Variants in HPSE2 observed in about 807,000 individuals in gnomAD.
The protein encoded by HPSE2 is inactive heparanase-2.
Under a neutral mutation model 60.5 loss-of-function variants are expected in HPSE2, and 38 were observed. That is an observed-to-expected ratio of 0.63 (90% CI 0.48 to 0.82). The LOEUF (loss-of-function observed/expected upper bound fraction) is 0.82, where lower values mean the gene tolerates loss of function less well. HPSE2 is among the 40% of genes least tolerant of loss of function. The probability of loss-of-function intolerance (pLI) is 0.00; values close to 1 mark genes in which losing one functional copy is unlikely to be tolerated. For missense variants in HPSE2, 713 were observed against 740.4 expected, an observed-to-expected ratio of 0.96 and a Z score of 0.43; for synonymous variants, 295 against 293.2, an observed-to-expected ratio of 1.01 and a Z score of -0.06.
chr10:99,247,501 A>T, the HPSE2 span, among the ~76,000 whole-genome samples: 1 of 152,228 alleles, frequency 6.6e-6, no homozygotes, highest in Admixed American at 6.5e-5. Flanking sequence ...CTACAAAGCA[A>T]CTAGCTAACA....
intron 4 of HPSE2, among the ~76,000 whole-genome samples, chr10:98,732,397 T>C (rs4614372): frequency 0.038 from 5,754 of 152,166 alleles, 240 homozygotes; most frequent in East Asian, 0.17. Flanking sequence ...TGTAAAGCTA[T>C]TGTAATTAAG....
intron 3 of HPSE2, among the ~76,000 whole-genome samples, chr10:98,989,622 T>C (rs1956472046): frequency 6.6e-6 from 1 of 150,752 alleles, no homozygotes; most frequent in Non-Finnish European, 1.5e-5. Context: ...GGTGTGCACA[T>C]GTACCCTAAT....
In HPSE2 at chr10:99,050,952, C is replaced by CGT. The variant is rs147438459; in HGVS notation, c.610+93284_610+93285dup. Among the ~76,000 whole-genome samples, 1,077 of 149,478 alleles carry CGT rather than the reference C, an allele frequency of 7.2e-3. 4 individuals carry two copies. The highest frequency in any genetic ancestry group is 0.016 in the African/African-American group (641 of 40,888). ...GATATGTTAATTAGCTTGATTCAATCGTGTGTGTGTGTGTGTGTGTATGGA... is the reference window on the plus strand; with the variant it reads ...GATATGTTAATTAGCTTGATTCAATCGTGTGTGTGTGTGTGTGTGTGTATGGA... On this transcript the variant is annotated intron_variant, in intron 3 of 11. Coordinates refer to ENST00000370552, the MANE Select transcript of HPSE2 (RefSeq NM_021828.5).
intron 9 of HPSE2, among the ~76,000 whole-genome samples, chr10:98,562,512 C>A (rs1302551171): frequency 6.6e-6 from 1 of 151,754 alleles, no homozygotes; most frequent in African/African-American, 2.4e-5. Flanking sequence ...GTCAGGAGAT[C>A]GAGACCATCC....
chr10:98,986,158 G>A (rs889303600), intron 3 of HPSE2, among the ~76,000 whole-genome samples: 6 of 152,156 alleles, frequency 3.9e-5, no homozygotes, highest in African/African-American at 1.4e-4. Flanking sequence ...GACATCTACA[G>A]AACTCTGCAC....
chr10:98,881,628 C>T (rs956616427), intron 3 of HPSE2, among the ~76,000 whole-genome samples: 3 of 151,958 alleles, frequency 2.0e-5, no homozygotes, highest in Non-Finnish European at 4.4e-5. Context: ...GTGATAATTC[C>T]ATCCAATTAG....
Position 99,184,522 on chromosome 10 carries a change from C to CAAAAAAAAAAAA in HPSE2, c.449-40135_449-40124dup, listed in dbSNP as rs200059066. 4.8e-4 allele frequency among the ~76,000 whole-genome samples: 29 copies of CAAAAAAAAAAAA among 60,766 alleles called. 1 individual carries two copies. The highest frequency in any genetic ancestry group is 1.1e-3 in the African/African-American group (9 of 8,266). The allele number at this position is 60,766 out of a possible 152,430, so 39.9% of individuals were successfully genotyped here. A position where few individuals can be genotyped will look rare whatever the true frequency, so the allele number is the denominator to read the frequency against. ...CCTGGGCAACAGAGCGAGACTGTCT[C>CAAAAAAAAAAAA]AAAAAAAAAAAAAAAAAAAAAAAAA... On this transcript the variant is annotated intron_variant, in intron 2 of 11. Coordinates refer to ENST00000370552, the MANE Select transcript of HPSE2 (RefSeq NM_021828.5).
intron 3 of HPSE2, among the ~76,000 whole-genome samples, chr10:99,050,248 G>A (rs1564765794): frequency 6.6e-6 from 1 of 151,898 alleles, no homozygotes; most frequent in Non-Finnish European, 1.5e-5. Flanking sequence ...GCTGTAGTGG[G>A]GTATGACTGC....
At chr10:98,698,542 A>G (rs1163017163) in intron 5 of HPSE2, among the ~76,000 whole-genome samples, 1 of 152,210 alleles carries the variant, frequency 6.6e-6, no homozygotes, top group African/African-American at 2.4e-5. Context: ...AAAGCGGGAA[A>G]GATCCAAAAT....
intron 4 of HPSE2, among the ~76,000 whole-genome samples, chr10:98,741,069 T>C (rs1364692958): frequency 6.6e-6 from 1 of 152,182 alleles, no homozygotes; most frequent in Non-Finnish European, 1.5e-5. Context: ...CTTTAATAAA[T>C]GATTATTTAT....
At chr10:98,956,372 T>C (rs897072566) in intron 3 of HPSE2, among the ~76,000 whole-genome samples, 7 of 152,172 alleles carry the variant, frequency 4.6e-5, no homozygotes, top group African/African-American at 1.7e-4. Context: ...ATATGTTAAA[T>C]TGGTTTGGAA....
chr10:98,780,386 T>G (rs991964935), intron 3 of HPSE2, among the ~76,000 whole-genome samples: 1 of 152,222 alleles, frequency 6.6e-6, no homozygotes, highest in Non-Finnish European at 1.5e-5. Context: ...CTTAAATGTT[T>G]ATATTTTCTC....
intron 6 of HPSE2, among the ~76,000 whole-genome samples, chr10:98,649,680 T>C (rs1946865877): frequency 6.6e-6 from 1 of 152,134 alleles, no homozygotes; most frequent in Non-Finnish European, 1.5e-5. Flanking sequence ...CCGGGGTAGA[T>C]AAGTAAAAGC....
At chr10:98,701,673 A>T (rs941347298) in intron 5 of HPSE2, among the ~76,000 whole-genome samples, 5 of 150,548 alleles carry the variant, frequency 3.3e-5, no homozygotes, top group East Asian at 1.9e-4. Context: ...AAATGAAAAT[A>T]GTTTTAAACC....
intron 3 of HPSE2, among the ~76,000 whole-genome samples, chr10:98,770,471 C>T (rs183913841): frequency 6.6e-6 from 1 of 152,302 alleles, no homozygotes; most frequent in East Asian, 1.9e-4. Context: ...CAAGGTCACA[C>T]TTCCCATGAG....
Position 98,983,265 on chromosome 10 carries a change from C to T in HPSE2, c.610+160973G>A, listed in dbSNP as rs146188204. On this transcript the variant is annotated intron_variant, in intron 3 of 11. Coordinates refer to ENST00000370552, the MANE Select transcript of HPSE2 (RefSeq NM_021828.5). ...CATAATGTAGAATCAGTGGGAGCCC[C>T]GAGCTTGTTTTCCTCTAACTAGATG... Among the ~76,000 whole-genome samples, 58 of 152,204 alleles carry T rather than the reference C, an allele frequency of 3.8e-4. 1 individual carries two copies. The highest frequency in any genetic ancestry group is 1.3e-3 in the African/African-American group (54 of 41,522).
At chr10:99,111,734 T>C (rs1844471072) in intron 3 of HPSE2, among the ~76,000 whole-genome samples, 1 of 152,170 alleles carries the variant, frequency 6.6e-6, no homozygotes, top group Admixed American at 6.5e-5. Context: ...TGCCTTTTAG[T>C]TTTCAAACAG....
chr10:98,712,741 G>C (rs1167032585), intron 5 of HPSE2, among the ~76,000 whole-genome samples: 3 of 152,060 alleles, frequency 2.0e-5, no homozygotes, highest in Non-Finnish European at 4.4e-5. Flanking sequence ...GCCACGATAG[G>C]AGCAGAAAAC....
chr10:98,567,004 T>C (rs1036085024), intron 9 of HPSE2, among the ~76,000 whole-genome samples: 5 of 152,210 alleles, frequency 3.3e-5, no homozygotes, highest in Non-Finnish European at 7.3e-5. Context: ...CATACACTCG[T>C]AGATGACTTG....
Sources: gnomAD v4.1 joint callset for allele counts (sites outside exome capture counted in the v4.1 genomes callset) on GRCh38, gnomAD v4.1.1 for gene constraint, MANE v1.5 for transcripts, NCBI Gene and HGNC (gene_info 2026-07-23, HGNC 2026-07-21) for gene names.